The following JAZF1 variants were observed in gnomAD, a reference collection of about 807,000 sequenced individuals.
The protein encoded by JAZF1 is juxtaposed with another zinc finger protein 1.
A neutral mutation model predicts 26.4 loss-of-function variants in JAZF1; 8 were observed. That is an observed-to-expected ratio of 0.30 (90% CI 0.18 to 0.55). The LOEUF is 0.55. Ranked by LOEUF, JAZF1 falls within the 20% of genes least tolerant of loss-of-function variation. The pLI is 0.94. For missense variants in JAZF1, 199 were observed against 322.0 expected (o/e 0.62, Z 2.92); for synonymous variants, 126 against 122.3 (o/e 1.03, Z -0.20).
At position 28,160,022 on chromosome 7, in the gene JAZF1, C is replaced by T. The variant is rs182147886; in HGVS notation, c.115+20441G>A. ...TGCTTATAATAGCAAAAAAGCAGAACTTAACAGAATGATGGGGTGATACTG... is the reference window on the plus strand; with the variant it reads ...TGCTTATAATAGCAAAAAAGCAGAATTTAACAGAATGATGGGGTGATACTG... On this transcript the variant is annotated intron_variant, in intron 1 of 4. Transcript: ENST00000283928. 1.1e-3 allele frequency among the ~76,000 whole-genome samples: 169 copies of T among 152,160 alleles called. 1 individual carries two copies. The highest frequency in any genetic ancestry group is 4.3e-4 in the Non-Finnish European group (29 of 67,990).
At chr7:28,161,270 A>G (rs1295614088) in intron 1 of JAZF1, among the ~76,000 whole-genome samples, 5 of 150,112 alleles carry the variant, frequency 3.3e-5, no homozygotes, top group South Asian at 2.1e-4. Context: ...AAAAAAAAAA[A>G]AAAAAAAAAA....
In JAZF1 at chr7:27,898,304, T is replaced by TATATATATATATATATATATAC. The variant is rs375859244; in HGVS notation, c.189-2889_189-2888insGTATATATATATATATATATAT. On this transcript the variant is annotated intron_variant, in intron 2 of 4. Transcript: ENST00000283928. ...TCTAACTCATATATATATATATATA[T>TATATATATATATATATATATAC]ACATCGGTTTTTTTTTTTTTTTTTT... 1.1e-3 allele frequency among the ~76,000 whole-genome samples: 144 copies of TATATATATATATATATATATAC among 128,896 alleles called. 3 individuals carry two copies. The highest frequency in any genetic ancestry group is 3.2e-3 in the African/African-American group (104 of 32,184). 84.6% of individuals were successfully genotyped at this position (128,896 alleles called of 152,430 possible).
intron 1 of JAZF1, among the ~76,000 whole-genome samples, chr7:28,089,579 G>A (rs908963097): frequency 1.3e-5 from 2 of 152,170 alleles, no homozygotes; most frequent in Admixed American, 1.3e-4. Context: ...GCTGTGAAGG[G>A]ACTTTGGAAG....
intron 1 of JAZF1, among the ~76,000 whole-genome samples, chr7:28,080,129 C>G (rs1228896693): frequency 6.6e-6 from 1 of 152,226 alleles, no homozygotes; most frequent in Non-Finnish European, 1.5e-5. Flanking sequence ...TGCAGCTTCT[C>G]CATCAGCACT....
At chr7:27,846,665 G>C (rs1197593261) in intron 3 of JAZF1, 3 of 366,620 alleles carry the variant, frequency 8.2e-6, no homozygotes. Context: ...GCTCTTTTAA[G>C]TGCTAGCTCA....
intron 4 of JAZF1, among the ~76,000 whole-genome samples, chr7:27,835,499 CAT>C (rs1407213778): frequency 1.3e-5 from 2 of 152,198 alleles, no homozygotes; most frequent in African/African-American, 4.8e-5. Context: ...ACCACACACA[CAT>C]CAGCTTTATG....
intron 3 of JAZF1, among the ~76,000 whole-genome samples, chr7:27,858,579 C>A (rs1783314472): frequency 6.6e-6 from 1 of 152,136 alleles, no homozygotes; most frequent in Non-Finnish European, 1.5e-5. Context: ...TAATGCCACA[C>A]ATCTACAACC....
intron 3 of JAZF1, among the ~76,000 whole-genome samples, chr7:27,893,152 A>G (rs750001743): frequency 1.3e-5 from 2 of 152,200 alleles, no homozygotes; most frequent in Non-Finnish European, 2.9e-5. Context: ...GGAGACTAAC[A>G]GTGCATATTA....
chr7:27,985,360 G>A (rs1785678927), intron 2 of JAZF1, among the ~76,000 whole-genome samples: 1 of 152,158 alleles, frequency 6.6e-6, no homozygotes, highest in Admixed American at 6.5e-5. Context: ...TAGAAGAAAT[G>A]GATAAATTCC....
At chr7:28,122,841 C>T (rs929610893) in intron 1 of JAZF1, among the ~76,000 whole-genome samples, 1 of 152,034 alleles carries the variant, frequency 6.6e-6, no homozygotes, top group African/African-American at 2.4e-5. Flanking sequence ...TTAGCTAGAA[C>T]GCAGAGAAGT....
At chr7:27,864,904 A>G (rs12531907) in intron 3 of JAZF1, among the ~76,000 whole-genome samples, 4 of 151,998 alleles carry the variant, frequency 2.6e-5, no homozygotes, top group African/African-American at 2.4e-5. Context: ...AATTTACTAT[A>G]AAGTTTTTCT....
rs1437473417 is a variant in JAZF1, at chr7:28,087,334, CAT to C, written c.115+93127_115+93128del. On this transcript the variant is annotated intron_variant, in intron 1 of 4. Transcript: ENST00000283928. Reference sequence around the variant, plus strand: ...CCTTTAGAAGTAAAAAAAAAAAAATCATATTCCATTTAATTTCAGAGGGCAAA... The same window carrying C: ...CCTTTAGAAGTAAAAAAAAAAAAATCATTCCATTTAATTTCAGAGGGCAAA... Among the ~76,000 whole-genome samples, 9 of 151,498 alleles carry C rather than the reference CAT, an allele frequency of 5.9e-5. No homozygotes were observed. The South Asian group carries it at 1.3e-3, about 21-fold the overall frequency.
intron 2 of JAZF1, among the ~76,000 whole-genome samples, chr7:27,968,889 T>C (rs1430192343): frequency 2.0e-5 from 3 of 152,058 alleles, no homozygotes; most frequent in Admixed American, 2.0e-4. Flanking sequence ...CCCAGCTAAT[T>C]TGCTCCAAAT....
chr7:27,859,275 G>A (rs1231664036), intron 3 of JAZF1, among the ~76,000 whole-genome samples: 1 of 152,212 alleles, frequency 6.6e-6, no homozygotes, highest in East Asian at 1.9e-4. Context: ...CACTGTTGGT[G>A]GGAGTGTAAA....
At chr7:28,139,011 G>T (rs966632351) in intron 1 of JAZF1, among the ~76,000 whole-genome samples, 2 of 152,180 alleles carry the variant, frequency 1.3e-5, no homozygotes, top group African/African-American at 4.8e-5. Flanking sequence ...TGAAGTGGAG[G>T]GGCTGAGTCA....
chr7:27,945,728 GAAGCA>G (rs1192724153), intron 2 of JAZF1, among the ~76,000 whole-genome samples: 1 of 152,212 alleles, frequency 6.6e-6, no homozygotes, highest in African/African-American at 2.4e-5. Flanking sequence ...TTAAGTTTAA[GAAGCA>G]CTGGTCTGGA....
chr7:27,965,700 A>G (rs901314708), intron 2 of JAZF1, among the ~76,000 whole-genome samples: 2 of 152,208 alleles, frequency 1.3e-5, no homozygotes, highest in Non-Finnish European at 2.9e-5. Context: ...AGATTTCGGT[A>G]GTCTAAAGAT....
intron 3 of JAZF1, among the ~76,000 whole-genome samples, chr7:27,870,075 ATTTTTTTTTT>A (rs371770357): frequency 6.6e-5 from 8 of 120,640 alleles, no homozygotes; most frequent in East Asian, 4.7e-4. Context: ...CACCCGGTTA[ATTTTTTTTTT>A]TTTTTTTTTT....
At position 27,979,366 on chromosome 7, in the gene JAZF1, A is replaced by ATTT. The variant is rs55737757; in HGVS notation, c.188+12540_188+12542dup. Among the ~76,000 whole-genome samples, 28 of 58,434 alleles carry ATTT rather than the reference A, an allele frequency of 4.8e-4. 2 individuals carry two copies. The East Asian group carries it at 5.8e-3, about 12-fold the overall frequency. The allele number at this position is 58,434 out of a possible 152,430, so 38.3% of individuals were successfully genotyped here. A position where few individuals can be genotyped will look rare whatever the true frequency, so the allele number is the denominator to read the frequency against. ...TAACAGGCGTGGCCAGGTACACTAC[A>ATTT]TTTTTTTTTTTTTTTTTTTTTTTTT... On this transcript the variant is annotated intron_variant, in intron 2 of 4. Coordinates refer to ENST00000283928, the MANE Select transcript of JAZF1 (RefSeq NM_175061.4).
Sources: allele counts gnomAD v4.1 joint callset (sites outside exome capture counted in the v4.1 genomes callset), GRCh38; gene constraint gnomAD v4.1.1; transcripts MANE v1.5; gene names NCBI Gene and HGNC (gene_info 2026-07-23, HGNC 2026-07-21).